The following CD247 variants were observed in gnomAD, a reference collection of about 807,000 sequenced individuals.
CD247 encodes CD247 molecule, also known as T-cell surface glycoprotein CD3 zeta chain.
CD247 carries 13 observed loss-of-function variants against 30.0 expected under a neutral mutation model. The ratio of observed to expected loss-of-function variants is 0.43; its 90% CI spans 0.28 to 0.69. The LOEUF (loss-of-function observed/expected upper bound fraction) is 0.69, where lower values mean the gene tolerates loss of function less well. CD247 is among the 30% of genes least tolerant of loss of function. The pLI is 0.16. For missense variants in CD247, 193 were observed against 212.6 expected (o/e 0.91, Z 0.57); for synonymous variants, 72 against 80.0 (o/e 0.90, Z 0.53).
At chr1:167,461,787 G>T (rs1653022073) in intron 1 of CD247, among the ~76,000 whole-genome samples, 2 of 152,098 alleles carry the variant, frequency 1.3e-5, no homozygotes, top group African/African-American at 4.8e-5. Context: ...GGCAGAGGTT[G>T]CAGTGAGCCG....
intron 1 of CD247, among the ~76,000 whole-genome samples, chr1:167,482,471 G>A (rs1188245323): frequency 6.6e-6 from 1 of 152,132 alleles, no homozygotes; most frequent in African/African-American, 2.4e-5. Context: ...TTCCTCTCTG[G>A]GTGTCTTCCA....
intron 1 of CD247, among the ~76,000 whole-genome samples, chr1:167,509,156 C>G (rs867906568): frequency 6.6e-6 from 1 of 152,030 alleles, no homozygotes; most frequent in Non-Finnish European, 1.5e-5. Context: ...CACTTGAGGT[C>G]GGGAGTTTGA....
At position 167,468,891 on chromosome 1, in the gene CD247, G is replaced by A. The variant is rs148898341; in HGVS notation, c.59-28124C>T. On this transcript the variant is annotated intron_variant, in intron 1 of 7. Transcript: ENST00000362089. The stretch of plus-strand genomic sequence containing the variant: ...AATTAAGGGAACCAAAAAATAAAGT[G>A]CTCTCTTTCCTTCCAAGCAGGGAAA... Among the ~76,000 whole-genome samples, 345 of 151,736 alleles carry A rather than the reference G, an allele frequency of 2.3e-3. 1 individual carries two copies. Among genetic ancestry groups the A allele is most frequent in the African/African-American group, 8.0e-3 (331 of 41,318 alleles).
In CD247 at chr1:167,509,119, C is replaced by T. The variant is rs1364565504; in HGVS notation, c.58+9289G>A. ...CGGTGGCTCATGCCTATAATCCCAGCACTTTGGGAGGCCGAGGCAGGTGGA... is the reference window on the plus strand; with the variant it reads ...CGGTGGCTCATGCCTATAATCCCAGTACTTTGGGAGGCCGAGGCAGGTGGA... On this transcript the variant is annotated intron_variant, in intron 1 of 7. Transcript: ENST00000362089. 2.0e-5 allele frequency among the ~76,000 whole-genome samples: 3 copies of T among 152,128 alleles called. No homozygotes were observed. The East Asian group carries it at 5.8e-4, about 29-fold the overall frequency.
At chr1:167,433,118 A>G (rs1651359118) in intron 6 of CD247, 59 bp from the exon 7 acceptor site, 8 of 1,572,314 alleles carry the variant, frequency 5.1e-6, no homozygotes. Context: ...CAGTAGTGGC[A>G]TTTCTGCTCA....
At chr1:167,475,467 T>C (rs934354823) in intron 1 of CD247, among the ~76,000 whole-genome samples, 7 of 152,164 alleles carry the variant, frequency 4.6e-5, no homozygotes, top group African/African-American at 1.7e-4. Context: ...TAAGTTTCTC[T>C]CTATAGAAAT....
chr1:167,505,114 C>G (rs1313434214), intron 1 of CD247, among the ~76,000 whole-genome samples: 1 of 152,088 alleles, frequency 6.6e-6, no homozygotes, highest in East Asian at 1.9e-4. Context: ...TTCCCTTGTA[C>G]ATAGCTGACA....
At chr1:167,498,359 T>A (rs534729395) in intron 1 of CD247, among the ~76,000 whole-genome samples, 1 of 152,156 alleles carries the variant, frequency 6.6e-6, no homozygotes, top group Admixed American at 6.5e-5. Context: ...GCAGGGACAC[T>A]GGGTGAGGCC....
At chr1:167,513,426 T>C (rs1655478203) in intron 1 of CD247, among the ~76,000 whole-genome samples, 1 of 152,186 alleles carries the variant, frequency 6.6e-6, no homozygotes, top group Non-Finnish European at 1.5e-5. Context: ...TAATTAAATT[T>C]TAACTTCCGT....
chr1:167,494,897 G>C lies in CD247; in HGVS notation c.58+23511C>G, dbSNP rs992297917. On this transcript the variant is annotated intron_variant, in intron 1 of 7. Transcript: ENST00000362089. The surrounding 1 kb of genome is among the most constrained non-coding windows in gnomAD (Gnocchi z 7.3). ...ACTTTACTCTACAGCAAAGCAGTCC[G>C]GGTTCCAGAGAGCCCAGGTGACTTG... is the stretch of plus-strand genomic sequence containing the variant. 6.6e-6 allele frequency among the ~76,000 whole-genome samples: 1 copy of C among 152,172 alleles called. No homozygotes were observed. Among genetic ancestry groups the C allele is most frequent in the African/African-American group, 2.4e-5 (1 of 41,434 alleles).
In CD247 at chr1:167,488,199, C is replaced by CAGCT. The variant is rs750956220; in HGVS notation, c.58+30205_58+30208dup. 2.4e-4 allele frequency among the ~76,000 whole-genome samples: 37 copies of CAGCT among 152,328 alleles called. 2 individuals are homozygous for CAGCT. The highest frequency in any genetic ancestry group is 2.4e-4 in the Non-Finnish European group (16 of 68,042). On this transcript the variant is annotated intron_variant, in intron 1 of 7. Transcript: ENST00000362089. The stretch of plus-strand genomic sequence containing the variant: ...CTATTGTAAAGTGGAAATCAGGATA[C>CAGCT]AGCTATAAGAGATGATGATCATACA...
At chr1:167,471,060 G>T (rs1262909863) in intron 1 of CD247, among the ~76,000 whole-genome samples, 1 of 151,768 alleles carries the variant, frequency 6.6e-6, no homozygotes, top group East Asian at 1.9e-4. Context: ...TTTAGTACAG[G>T]TGGGTTTTCA....
chr1:167,474,243 C>T (rs1420700597), intron 1 of CD247, among the ~76,000 whole-genome samples: 1 of 152,106 alleles, frequency 6.6e-6, no homozygotes, highest in South Asian at 2.1e-4. Context: ...CAGCCTCAGG[C>T]AAAGTTACTG....
intron 1 of CD247, among the ~76,000 whole-genome samples, chr1:167,464,320 C>T (rs546470816): frequency 6.6e-6 from 1 of 152,282 alleles, no homozygotes; most frequent in African/African-American, 2.4e-5. Flanking sequence ...CCAACTCAGG[C>T]TGATTGAAGG....
At chr1:167,501,812 C>T (rs372402327) in intron 1 of CD247, among the ~76,000 whole-genome samples, 166 of 152,290 alleles carry the variant, frequency 1.1e-3, no homozygotes, top group African/African-American at 3.7e-3. Flanking sequence ...TCTCAGGGTC[C>T]GTATGCCACT....
chr1:167,460,194 G>C (rs1240469966), intron 1 of CD247, among the ~76,000 whole-genome samples: 1 of 152,120 alleles, frequency 6.6e-6, no homozygotes, highest in Non-Finnish European at 1.5e-5. Context: ...TTGAGCCCAG[G>C]GGTTTGAGAC....
At position 167,494,965 on chromosome 1, in the gene CD247, G is replaced by T. The variant is rs1353925111; in HGVS notation, c.58+23443C>A. Among the ~76,000 whole-genome samples, 5 of 152,180 alleles carry T rather than the reference G, an allele frequency of 3.3e-5. No individual in the cohort carries two copies. Among genetic ancestry groups the T allele is most frequent in the African/African-American group, 1.2e-4 (5 of 41,446 alleles). On this transcript the variant is annotated intron_variant, in intron 1 of 7. Transcript: ENST00000362089. This position sits in a 1 kb window ranked among gnomAD's most constrained non-coding sequence, Gnocchi z 7.3. ...TCTGTTCTCTCCCCACCTGGACCTT[G>T]TGTCCGAGGAGCAGTGTTGGACCCT...
chr1:167,451,506 C>T (rs563439653), intron 1 of CD247, among the ~76,000 whole-genome samples: 38 of 152,314 alleles, frequency 2.5e-4, no homozygotes, highest in Non-Finnish European at 5.0e-4. Context: ...TCTTCTTCCC[C>T]TGGTCCTCAA....
chr1:167,450,138 T>C (rs1652285715), intron 1 of CD247, among the ~76,000 whole-genome samples: 1 of 152,172 alleles, frequency 6.6e-6, no homozygotes, highest in African/African-American at 2.4e-5. Context: ...CCATTATAAA[T>C]AATTCTAAGA....
Sources: allele counts gnomAD v4.1 joint callset (sites outside exome capture counted in the v4.1 genomes callset), GRCh38; gene constraint gnomAD v4.1.1; non-coding constraint Gnocchi (gnomAD v3.1); transcripts MANE v1.5; gene names NCBI Gene and HGNC (gene_info 2026-07-23, HGNC 2026-07-21).